SNX32: variants seen among roughly 807,000 people sequenced by gnomAD.
SNX32 encodes the protein sorting nexin 32.
Under a neutral mutation model 57.0 loss-of-function variants are expected in SNX32, and 58 were observed. The observed-to-expected ratio is 1.02, with a 90% CI of 0.82 to 1.27. The LOEUF is 1.27. Ranked by LOEUF, SNX32 falls within the 50% of genes most tolerant of loss-of-function variation. The pLI is 0.00. For synonymous variants in SNX32, 262 were observed against 220.4 expected (o/e 1.19, Z -1.67); for missense variants, 589 against 541.2 (o/e 1.09, Z -0.88).
chr11:65,840,265 G>A (rs1591026454), intron 1 of SNX32, among the ~76,000 whole-genome samples: 2 of 152,024 alleles, frequency 1.3e-5, no homozygotes, highest in Non-Finnish European at 2.9e-5. Flanking sequence ...TAGGGATAGC[G>A]GGGAGCTCCA....
At position 65,853,461 on chromosome 11, in the gene SNX32, C is replaced by T. The variant is rs1859294684; in HGVS notation, c.*126C>T. 3.1e-6 allele frequency: 3 copies of T among 976,432 alleles called. No individual in the cohort carries two copies. The Admixed American group carries it at 5.7e-5, about 18-fold the overall frequency. 60.5% of individuals were successfully genotyped at this position (976,432 alleles called of 1,614,324 possible). On this transcript the variant is annotated 3_prime_UTR_variant, in exon 13 of 13. Coordinates refer to ENST00000308342, the MANE Select transcript of SNX32 (RefSeq NM_152760.3). ...CTAGCCACACCCTCACTCTGCCCCA[C>T]ATCCTCTCAGGGAAAGCCCAAACCC...
rs1859232644 is a variant in SNX32 at position 65,852,494 on chromosome 11, G to C, written c.855G>C (p.Glu285Asp). 2.5e-6 allele frequency: 4 copies of C among 1,614,086 alleles called. No homozygotes were observed. The highest frequency in any genetic ancestry group is 3.4e-6 in the Non-Finnish European group (4 of 1,180,040). ...RKLEGRVASD[E>D]DLKLSDMLRY... ...TGGAGGGCCGGGTGGCTTCCGATGA[G>C]GACCTGAAGCTGTCAGACATGCTGA... is the stretch of plus-strand genomic sequence containing the variant. The change falls in exon 10 of 13, where the codon GAG (glutamate) becomes GAC (aspartate). Residue 285 changes from glutamate (E) to aspartate (D), a missense_variant. By Grantham distance (45) the Glu-to-Asp change is conservative. Transcript: ENST00000308342.
rs1197022596 is a variant in SNX32 at position 65,841,818 on chromosome 11, G to A, written c.37-7660G>A. ...ATACCTAGGAATAAATCTCACAGAA[G>A]ACATGCAAGACCTTTACACAGAAAA... is the stretch of plus-strand genomic sequence containing the variant. On this transcript the variant is annotated intron_variant, in intron 1 of 12. Transcript: ENST00000308342. Among the ~76,000 whole-genome samples, 6 of 151,964 alleles carry A rather than the reference G, an allele frequency of 3.9e-5. No individual in the cohort carries two copies. The East Asian group carries it at 5.8e-4, about 15-fold the overall frequency.
chr11:65,839,023 G>A (rs1858746052), intron 1 of SNX32, among the ~76,000 whole-genome samples: 1 of 151,220 alleles, frequency 6.6e-6, no homozygotes, highest in African/African-American at 2.4e-5. Context: ...TTGAGTATAT[G>A]ACACTAAAGA....
At chr11:65,851,724 G>A in intron 9 of SNX32, 45 bp downstream of exon 9, 5 of 1,605,222 alleles carry the variant, frequency 3.1e-6, no homozygotes, top group South Asian at 1.1e-5. Context: ...GGTGAGCTTT[G>A]CAGGGAAGAT....
intron 1 of SNX32, among the ~76,000 whole-genome samples, chr11:65,847,013 T>TG (rs1859018622): frequency 3.2e-5 from 1 of 31,138 alleles, no homozygotes; most frequent in Non-Finnish European, 2.8e-4. Context: ...TAGTTTTTTT[T>TG]GTTTTTTTTT....
At position 65,853,308 on chromosome 11, in the gene SNX32, C is replaced by T; in HGVS notation, c.1185C>T (p.Thr395=). 1.2e-6 allele frequency: 2 copies of T among 1,614,088 alleles called. No homozygotes were observed. The highest frequency in any genetic ancestry group is 2.2e-5 in the East Asian group (1 of 44,882). The change falls in exon 13 of 13, where the codon ACC becomes ACT. Residue 395 remains threonine (T), a synonymous_variant. Transcript: ENST00000308342. ...CCAGCACCCTGATTCTCCGGAACAC[C>T]CTTGTTGCCCTAAAGGGGGAGCCTT... ...AKASTLILRN[T]LVALKGEP
chr11:65,844,146 G>A (rs1360519027), intron 1 of SNX32, among the ~76,000 whole-genome samples: 2 of 151,946 alleles, frequency 1.3e-5, no homozygotes, highest in Admixed American at 1.3e-4. Flanking sequence ...GTTTTTCAGG[G>A]GTAGAAATGT....
rs144504032 is a variant in SNX32, at chr11:65,848,253, C to T, written c.37-1225C>T. 1.4e-3 allele frequency among the ~76,000 whole-genome samples: 208 copies of T among 152,240 alleles called. 1 individual carries two copies. The highest frequency in any genetic ancestry group is 2.4e-3 in the Non-Finnish European group (161 of 68,016). ...GGTAGAGTGATTCCTAAGCCTCTTC[C>T]CTTCCCCCTAATATCACTTGGCACT... On this transcript the variant is annotated intron_variant, in intron 1 of 12. Transcript: ENST00000308342.
chr11:65,851,403 C>G lies in SNX32; in HGVS notation c.785C>G (p.Thr262Arg), dbSNP rs761741429. Residue 262 changes from threonine (T) to arginine (R), a missense_variant and splice_region_variant, in exon 8 of 13, where the codon ACG becomes AGG. Transcript: ENST00000308342. Reference protein sequence around the residue: ...LGTQEVNQLRTSFLKLAELFE... With the variant: ...LGTQEVNQLRRSFLKLAELFE... ...ACACAGGAAGTCAACCAGCTAAGGA[C>G]GTGAGGACTCCCCCCACCCCTACCC... 1 of 1,613,966 alleles carries G rather than the reference C, an allele frequency of 6.2e-7. No individual in the cohort carries two copies. Among genetic ancestry groups the G allele is most frequent in the Admixed American group, 1.7e-5 (1 of 59,988 alleles).
rs375289024 is a variant in SNX32, at chr11:65,853,266, T to C, written c.1159-16T>C. 2 of 1,613,912 alleles carry C rather than the reference T, an allele frequency of 1.2e-6. No individual in the cohort carries two copies. The highest frequency in any genetic ancestry group is 1.7e-6 in the Non-Finnish European group (2 of 1,179,960). On this transcript the variant is annotated splice_polypyrimidine_tract_variant and intron_variant, in intron 12 of 12. Transcript: ENST00000308342. ...CAGGGAGCAGGGGACTTCAAGGACC[T>C]GTTTCTCCTCTGCAGGCCAGCACCC...
intron 1 of SNX32, among the ~76,000 whole-genome samples, chr11:65,839,724 C>T (rs191462413): frequency 7.4e-6 from 1 of 134,234 alleles, no homozygotes; most frequent in Non-Finnish European, 1.6e-5. Context: ...CACAGTGAGA[C>T]CCTGTCCCAA....
intron 1 of SNX32, 106 bp downstream of exon 1, chr11:65,834,207 C>A: frequency 9.4e-7 from 1 of 1,068,940 alleles, no homozygotes; most frequent in Non-Finnish European, 1.4e-6. Flanking sequence ...GTGTGGTCTG[C>A]CTCTGTGTGT....
In SNX32 at chr11:65,853,295, T is replaced by C. The variant is rs750549319; in HGVS notation, c.1172T>C (p.Ile391Thr). 1 of 1,613,942 alleles carries C rather than the reference T, an allele frequency of 6.2e-7. No homozygotes were observed. The highest frequency in any genetic ancestry group is 2.2e-5 in the East Asian group (1 of 44,894). ...TCTCCTCTGCAGGCCAGCACCCTGA[T>C]TCTCCGGAACACCCTTGTTGCCCTA... is the stretch of plus-strand genomic sequence containing the variant. ...ELKHAKASTL[I>T]LRNTLVALKG... Residue 391 changes from isoleucine to threonine, a missense_variant, in exon 13 of 13, where the codon ATT becomes ACT. Coordinates refer to ENST00000308342, the MANE Select transcript of SNX32 (RefSeq NM_152760.3).
chr11:65,852,435 C>G, intron 9 of SNX32, 30 bp from the exon 10 acceptor site: 1 of 1,606,158 alleles, frequency 6.2e-7, no homozygotes, highest in Non-Finnish European at 8.5e-7. Context: ...CTGACAAGCT[C>G]CCTTCCCAGT....
At chr11:65,834,601 C>CTG (rs1157012573) in intron 1 of SNX32, among the ~76,000 whole-genome samples, 2 of 139,700 alleles carry the variant, frequency 1.4e-5, no homozygotes, top group Non-Finnish European at 3.1e-5. Flanking sequence ...GTCTTTGTGT[C>CTG]TGTGTCTGTC....
At chr11:65,852,409 C>T in intron 9 of SNX32, 56 bp from the exon 10 acceptor site, 1 of 1,477,044 alleles carries the variant, frequency 6.8e-7, no homozygotes, top group Non-Finnish European at 9.5e-7. Flanking sequence ...GTGCCTCCCA[C>T]CCCTTAGCTG....
chr11:65,849,712 C>A (rs1190637888), intron 2 of SNX32, 130 bp downstream of exon 2: 1 of 897,786 alleles, frequency 1.1e-6, no homozygotes, highest in Non-Finnish European at 1.8e-6. Flanking sequence ...CCCTCAGCCC[C>A]TCCTGGAAAG....
chr11:65,841,934 AAG>A (rs1858853578), intron 1 of SNX32, among the ~76,000 whole-genome samples: 3 of 152,142 alleles, frequency 2.0e-5, no homozygotes, highest in Admixed American at 2.0e-4. Context: ...TAAAATTACA[AAG>A]AGATCTAGTC....
Sources: gnomAD v4.1 joint callset for allele counts (sites outside exome capture counted in the v4.1 genomes callset) on GRCh38, gnomAD v4.1.1 for gene constraint, MANE v1.5 for transcripts, NCBI Gene and HGNC (gene_info 2026-07-23, HGNC 2026-07-21) for gene names.